The following USP24 variants were observed in gnomAD, a reference collection of about 807,000 sequenced individuals.
USP24 encodes the protein ubiquitin carboxyl-terminal hydrolase 24.
Under a neutral mutation model 361.6 loss-of-function variants are expected in USP24, and 97 were observed. The ratio of observed to expected loss-of-function variants is 0.27; its 90% CI spans 0.23 to 0.32. USP24 has a LOEUF of 0.32. Ranked by LOEUF, USP24 falls within the 10% of genes least tolerant of loss-of-function variation. USP24 has a pLI of 1.00. For missense variants in USP24, 2,353 were observed against 3,165.6 expected, an observed-to-expected ratio of 0.74 and a Z score of 6.16; for synonymous variants, 1,098 against 1,124.6, an observed-to-expected ratio of 0.98 and a Z score of 0.47.
Position 55,107,437 on chromosome 1 carries a change from AGG to A in USP24, c.4571-9_4571-8del. On this transcript the variant is annotated splice_polypyrimidine_tract_variant and splice_region_variant and intron_variant, in intron 39 of 67. Transcript: ENST00000294383. ...AACTGCTCCATTTCTGAAGCTAAGA[AGG>A]AAAAAAAAAATCCATTACAAAGAAA... The A allele has an allele frequency of 6.4e-7, 1 of 1,568,314 alleles. No individual in the cohort carries two copies. Among genetic ancestry groups the A allele is most frequent in the African/African-American group, 1.4e-5 (1 of 72,830 alleles).
Position 55,142,998 on chromosome 1 carries a change from A to C in USP24, c.2561T>G (p.Leu854Arg). ...QLIINYSYIN[L>R]NPRLKKDSVS... ...ACCTACCTTCTTTAATCTAGGATTT[A>C]GATTAATGTAACTATAGTTTATGAT... The change falls in exon 22 of 68, where the codon CTA (leucine) becomes CGA (arginine). Residue 854 changes from leucine to arginine, a missense_variant. Leu to Arg is a moderately radical substitution (Grantham distance 102). Transcript: ENST00000294383. 1 of 1,515,174 alleles carries C rather than the reference A, an allele frequency of 6.6e-7. No homozygotes were observed. Among genetic ancestry groups the C allele is most frequent in the Non-Finnish European group, 8.9e-7 (1 of 1,128,054 alleles). The allele number at this position is 1,515,174 out of a possible 1,614,324, so 93.9% of individuals were successfully genotyped here.
rs199835639 is a variant in USP24 at position 55,138,728 on chromosome 1, C to T, written c.2818-10G>A. The T allele has an allele frequency of 1.1e-4, 168 of 1,593,268 alleles. No homozygotes were observed. Among genetic ancestry groups the T allele is most frequent in the Middle Eastern group, 3.3e-4 (2 of 6,044 alleles). On this transcript the variant is annotated splice_polypyrimidine_tract_variant and intron_variant, in intron 25 of 67. Transcript: ENST00000294383. ...GAACAGAGTAAAAATCCTTAAAAAA[C>T]GAATAAGTCAAGTCAGATGGACAGC...
intron 5 of USP24, among the ~76,000 whole-genome samples, chr1:55,168,372 A>AT (rs1649103243): frequency 6.6e-6 from 1 of 152,172 alleles, no homozygotes; most frequent in Non-Finnish European, 1.5e-5. Flanking sequence ...ACACTACTGG[A>AT]TAAAAACACT....
At chr1:55,211,959 C>T (rs969278303) in intron 1 of USP24, among the ~76,000 whole-genome samples, 1 of 152,162 alleles carries the variant, frequency 6.6e-6, no homozygotes, top group African/African-American at 2.4e-5. Flanking sequence ...ACAATCTTCA[C>T]CCAGTTTTTT....
chr1:55,199,314 A>AAAAC (rs1557701376), intron 1 of USP24, among the ~76,000 whole-genome samples: 1 of 152,090 alleles, frequency 6.6e-6, no homozygotes, highest in Non-Finnish European at 1.5e-5. Flanking sequence ...CAAAACAAAA[A>AAAAC]AAAAACATGA....
intron 1 of USP24, among the ~76,000 whole-genome samples, chr1:55,195,013 A>C (rs11206523): frequency 0.011 from 9 of 804 alleles, no homozygotes; most frequent in Admixed American, 0.11. Context: ...ATCTTCCTTA[A>C]AACAAAACAA....
intron 38 of USP24, among the ~76,000 whole-genome samples, chr1:55,120,249 A>C (rs899025733): frequency 2.0e-5 from 3 of 152,194 alleles, no homozygotes; most frequent in Non-Finnish European, 4.4e-5. Flanking sequence ...GCTACAAGAT[A>C]TCTGCACTGA....
chr1:55,116,413 C>T (rs1255202516), intron 38 of USP24, among the ~76,000 whole-genome samples: 3 of 149,238 alleles, frequency 2.0e-5, no homozygotes, highest in Admixed American at 2.0e-4. Context: ...ACAAAACCAA[C>T]AAACCTTTAG....
chr1:55,190,182 A>AAAAAAAAG (rs1553170065), intron 1 of USP24, among the ~76,000 whole-genome samples: 2 of 150,962 alleles, frequency 1.3e-5, no homozygotes, highest in African/African-American at 4.9e-5. Flanking sequence ...AAAAAAAAAA[A>AAAAAAAAG]AAAGAAAGAA....
intron 1 of USP24, among the ~76,000 whole-genome samples, chr1:55,199,285 T>C (rs986001545): frequency 2.6e-5 from 4 of 151,936 alleles, no homozygotes; most frequent in Admixed American, 1.3e-4. Flanking sequence ...CGAGACTCTG[T>C]TTCCAAAAAA....
At chr1:55,178,189 A>C in intron 1 of USP24, 57 bp from the exon 2 acceptor site, 1 of 1,540,226 alleles carries the variant, frequency 6.5e-7, no homozygotes, top group African/African-American at 1.4e-5. Flanking sequence ...ATTACTCTAA[A>C]AATTTCCTAT....
At position 55,185,559 on chromosome 1, in the gene USP24, TTTTTA is replaced by T. The variant is rs1644106507; in HGVS notation, c.325-7432_325-7428del. ...AGAATGAAAGAAAAAACATCACTACTTTTTATTTTATTTATTTTTGAGACAGAGTC... is the reference window on the plus strand; with the variant it reads ...AGAATGAAAGAAAAAACATCACTACTTTTTATTTATTTTTGAGACAGAGTC... On this transcript the variant is annotated intron_variant, in intron 1 of 67. Transcript: ENST00000294383. Among the ~76,000 whole-genome samples the T allele has an allele frequency of 3.3e-5, 5 of 152,140 alleles. No homozygotes were observed. In the South Asian group the frequency reaches 1.0e-3, roughly 32 times the overall value.
chr1:55,144,676 T>C (rs941748995), intron 20 of USP24, among the ~76,000 whole-genome samples: 3 of 152,204 alleles, frequency 2.0e-5, no homozygotes, highest in Non-Finnish European at 4.4e-5. Flanking sequence ...GGCTCAAGCC[T>C]GTAATCTCAG....
At chr1:55,198,142 T>A in intron 1 of USP24, among the ~76,000 whole-genome samples, 1 of 106,016 alleles carries the variant, frequency 9.4e-6, no homozygotes, top group East Asian at 3.1e-4. Context: ...TTTAAAAAAA[T>A]ATTAAAAATA....
rs753979164 is a variant in USP24, at chr1:55,100,913, A to G, written c.5197T>C (p.Tyr1733His). The G allele has an allele frequency of 6.2e-7, 1 of 1,613,712 alleles. No homozygotes were observed. The highest frequency in any genetic ancestry group is 1.1e-5 in the South Asian group (1 of 91,068). The change falls in exon 44 of 68, where the codon TAC (tyrosine) becomes CAC (histidine). Residue 1733 changes from tyrosine to histidine, a missense_variant. Physicochemically the swap from Tyr to His is moderately conservative, Grantham distance 83. Coordinates refer to ENST00000294383, the MANE Select transcript of USP24 (RefSeq NM_015306.3). ...TGTCCAAAGAGAGACTGCACTTGGT[A>G]AAACACGCTATCATCTGGATTGTCT... ...DTDNPDDSVF[Y>H]QVQSLFGHLM...
In USP24 at chr1:55,147,979, AAATT is replaced by A. The variant is rs577263259; in HGVS notation, c.1969-185_1969-182del. Among the ~76,000 whole-genome samples the A allele has an allele frequency of 4.4e-3, 667 of 152,328 alleles. 2 individuals are homozygous for A. The highest frequency in any genetic ancestry group is 0.016 in the African/African-American group (647 of 41,584). Reference sequence around the variant, plus strand: ...CAATCTGGTATGTACATTTACTAGAAAATTAATAAACTACTAATGTTTTCCATCT... The same window carrying A: ...CAATCTGGTATGTACATTTACTAGAAAATAAACTACTAATGTTTTCCATCT... On this transcript the variant is annotated intron_variant, in intron 17 of 67. Transcript: ENST00000294383.
chr1:55,159,043 T>C lies in USP24; in HGVS notation c.1069-7A>G. ...CAGGGATGCTAACCAATCTCTTTTA[T>C]TGAATAAAAACAAAAAAACAAAAAA... On this transcript the variant is annotated splice_region_variant and splice_polypyrimidine_tract_variant and intron_variant, in intron 9 of 67. Transcript: ENST00000294383. 6.8e-7 allele frequency: 1 copy of C among 1,474,304 alleles called. No individual in the cohort carries two copies. The highest frequency in any genetic ancestry group is 9.0e-7 in the Non-Finnish European group (1 of 1,106,862). 91.3% of individuals were successfully genotyped at this position (1,474,304 alleles called of 1,614,324 possible). A position where few individuals can be genotyped will look rare whatever the true frequency, so the allele number is the denominator to read the frequency against.
At chr1:55,078,728 G>A (rs565579351) in intron 60 of USP24, 77 bp from the exon 61 acceptor site, 1 of 1,130,430 alleles carries the variant, frequency 8.8e-7, no homozygotes, top group Non-Finnish European at 1.2e-6. Flanking sequence ...GCCTTTAACT[G>A]AAATCTACCC....
At position 55,081,300 on chromosome 1, in the gene USP24, T is replaced by C. The variant is rs775603098; in HGVS notation, c.7078+22A>G. 39 of 1,607,546 alleles carry C rather than the reference T, an allele frequency of 2.4e-5. No homozygotes were observed. In the East Asian group the frequency reaches 7.8e-4, roughly 32 times the overall value. Reference sequence around the variant, plus strand: ...GCTAGACAAATTCAGTATCTCTTCATTCTAAGATATGTTAAGCTTACCAAC... The same window carrying C: ...GCTAGACAAATTCAGTATCTCTTCACTCTAAGATATGTTAAGCTTACCAAC... On this transcript the variant is annotated intron_variant, in intron 59 of 67. Coordinates refer to ENST00000294383, the MANE Select transcript of USP24 (RefSeq NM_015306.3).
Sources: gnomAD v4.1 joint callset for allele counts (sites outside exome capture counted in the v4.1 genomes callset) on GRCh38, gnomAD v4.1.1 for gene constraint, MANE v1.5 for transcripts, NCBI Gene and HGNC (gene_info 2026-07-23, HGNC 2026-07-21) for gene names.